Variants in HSPA12A observed in about 807,000 individuals in gnomAD.
The protein encoded by HSPA12A is heat shock protein family A (Hsp70) member 12A, also known as heat shock 70 kDa protein 12A.
Under a neutral mutation model 69.2 loss-of-function variants are expected in HSPA12A, and 28 were observed. The observed-to-expected ratio is 0.40, with a 90% CI of 0.30 to 0.55. The LOEUF (loss-of-function observed/expected upper bound fraction) is 0.55. HSPA12A is among the 20% of genes least tolerant of loss of function. HSPA12A has a pLI of 0.38. For synonymous variants in HSPA12A, 345 were observed against 370.5 expected (o/e 0.93, Z 0.79); for missense variants, 686 against 900.7 (o/e 0.76, Z 3.05).
intron 2 of HSPA12A, among the ~76,000 whole-genome samples, chr10:116,811,556 C>G (rs78637099): frequency 2.3e-5 from 3 of 130,538 alleles, no homozygotes; most frequent in African/African-American, 5.9e-5. Context: ...TTGGGCCTAA[C>G]TTGGATTCCT....
At chr10:116,739,861 G>A (rs1441511836) in intron 1 of HSPA12A, among the ~76,000 whole-genome samples, 3 of 151,916 alleles carry the variant, frequency 2.0e-5, no homozygotes. Flanking sequence ...TGTTTCATTG[G>A]CACGCACCTC....
intron 1 of HSPA12A, among the ~76,000 whole-genome samples, chr10:116,740,364 A>G (rs1626714): frequency 0.99 from 151,298 of 152,322 alleles, 75,158 homozygotes; most frequent in Middle Eastern, 1. Flanking sequence ...GGGGCAAGCC[A>G]ACTCTGCTCC....
At position 116,766,314 on chromosome 10, in the gene HSPA12A, C is replaced by T. The variant is rs114107903; in HGVS notation, c.92-59029G>A. ...TTGAAAAACTGAAATTCTTGCAACC[C>T]GAGAACTCCCTCAGTCCTGGGCCAA... On this transcript the variant is annotated intron_variant, in intron 2 of 12. Coordinates refer to the HSPA12A transcript ENST00000635765. Among the ~76,000 whole-genome samples, 699 of 152,222 alleles carry T rather than the reference C, an allele frequency of 4.6e-3. 3 individuals carry two copies. Among genetic ancestry groups the T allele is most frequent in the African/African-American group, 0.016 (667 of 41,536 alleles).
chr10:116,720,129 T>G (rs117946033), intron 1 of HSPA12A, among the ~76,000 whole-genome samples: 1 of 152,328 alleles, frequency 6.6e-6, no homozygotes, highest in Non-Finnish European at 1.5e-5. Flanking sequence ...GTGAATTATA[T>G]CTCAATTAAA....
At chr10:116,841,635 T>A (rs1845801805) in intron 1 of HSPA12A, among the ~76,000 whole-genome samples, 2 of 152,220 alleles carry the variant, frequency 1.3e-5, no homozygotes, top group Non-Finnish European at 2.9e-5. Context: ...AATTTATAGA[T>A]GTTTGTCATA....
At position 116,710,176 on chromosome 10, in the gene HSPA12A, T is replaced by TAA; in HGVS notation, c.41-2892_41-2891insTT. Among the ~76,000 whole-genome samples, 1 of 152,146 alleles carries TAA rather than the reference T, an allele frequency of 6.6e-6. No individual in the cohort carries two copies. Among genetic ancestry groups the TAA allele is most frequent in the Admixed American group, 6.5e-5 (1 of 15,278 alleles). On this transcript the variant is annotated intron_variant, in intron 1 of 11. Coordinates refer to ENST00000369209, the MANE Select transcript of HSPA12A (RefSeq NM_025015.3). This position sits in a 1 kb window ranked among gnomAD's most constrained non-coding sequence, Gnocchi z 4.1. The stretch of plus-strand genomic sequence containing the variant: ...GAGAGGTCCTCCCTGCCCACAGCCC[T>TAA]TGGGCAGCCTGCGGAGAAATGCCAT...
chr10:116,812,579 G>T (rs1305252637), intron 2 of HSPA12A, among the ~76,000 whole-genome samples: 1 of 152,038 alleles, frequency 6.6e-6, no homozygotes, highest in African/African-American at 2.4e-5. Context: ...CAACCACTGA[G>T]ACCAGCAAGG....
chr10:116,804,753 T>A (rs1232287714), intron 2 of HSPA12A, among the ~76,000 whole-genome samples: 8 of 152,140 alleles, frequency 5.3e-5, no homozygotes. Flanking sequence ...AGGCACATAA[T>A]CTCCCAGCCC....
chr10:116,703,755 T>C (rs1850147967), intron 3 of HSPA12A, among the ~76,000 whole-genome samples: 1 of 152,116 alleles, frequency 6.6e-6, no homozygotes, highest in African/African-American at 2.4e-5. Context: ...TGGGATCCCA[T>C]GGATGGGTGG....
intron 2 of HSPA12A, among the ~76,000 whole-genome samples, chr10:116,792,856 AAG>A (rs2133155158): frequency 6.6e-6 from 1 of 152,172 alleles, no homozygotes; most frequent in East Asian, 1.9e-4. Flanking sequence ...AGAAAAGAAA[AAG>A]AAAATCTATT....
intron 3 of HSPA12A, among the ~76,000 whole-genome samples, chr10:116,704,407 C>A (rs1554882026): frequency 6.6e-6 from 1 of 150,794 alleles, no homozygotes; most frequent in Non-Finnish European, 1.5e-5. Context: ...GGGAATTGAA[C>A]AATGAGAACA....
At chr10:116,717,654 TTTTG>T (rs1850648644) in intron 1 of HSPA12A, among the ~76,000 whole-genome samples, 2 of 152,174 alleles carry the variant, frequency 1.3e-5, no homozygotes, top group Non-Finnish European at 2.9e-5. Flanking sequence ...ATGGATGTTA[TTTTG>T]TTTATTATTA....
chr10:116,700,086 C>G (rs1409217033), intron 4 of HSPA12A, among the ~76,000 whole-genome samples: 3 of 152,204 alleles, frequency 2.0e-5, no homozygotes, highest in Non-Finnish European at 4.4e-5. Context: ...GAGGAAGGCA[C>G]TGCTATTGTC....
At chr10:116,766,569 A>G (rs916975661) in intron 2 of HSPA12A, among the ~76,000 whole-genome samples, 4 of 152,138 alleles carry the variant, frequency 2.6e-5, no homozygotes, top group African/African-American at 4.8e-5. Context: ...CCCTTCTTGG[A>G]GGCATTCAGA....
chr10:116,819,662 G>T (rs1017511301), intron 2 of HSPA12A, among the ~76,000 whole-genome samples: 1 of 152,078 alleles, frequency 6.6e-6, no homozygotes, highest in African/African-American at 2.4e-5. Flanking sequence ...CTCAGCCTAA[G>T]GTATTTTGTT....
At chr10:116,779,822 G>A (rs1413517706) in intron 2 of HSPA12A, among the ~76,000 whole-genome samples, 4 of 152,180 alleles carry the variant, frequency 2.6e-5, no homozygotes, top group African/African-American at 9.6e-5. Flanking sequence ...GCTAGCAGGG[G>A]GGACGGGATT....
At chr10:116,771,485 A>G (rs531667438) in intron 2 of HSPA12A, among the ~76,000 whole-genome samples, 1 of 152,336 alleles carries the variant, frequency 6.6e-6, no homozygotes, top group Admixed American at 6.5e-5. Flanking sequence ...AAGAGAAGCC[A>G]CTGGAATATT....
chr10:116,772,199 C>T (rs1844227802), intron 2 of HSPA12A, among the ~76,000 whole-genome samples: 1 of 152,084 alleles, frequency 6.6e-6, no homozygotes, highest in African/African-American at 2.4e-5. Flanking sequence ...GGCTGGATCA[C>T]GTGGGTTCAG....
At position 116,710,300 on chromosome 10, in the gene HSPA12A, G is replaced by T. The variant is rs1390217822; in HGVS notation, c.41-3015C>A. Among the ~76,000 whole-genome samples the T allele has an allele frequency of 6.6e-6, 1 of 152,186 alleles. No homozygotes were observed. The highest frequency in any genetic ancestry group is 1.5e-5 in the Non-Finnish European group (1 of 68,038). On this transcript the variant is annotated intron_variant, in intron 1 of 11. Coordinates refer to ENST00000369209, the MANE Select transcript of HSPA12A (RefSeq NM_025015.3). The surrounding 1 kb of genome is among the most constrained non-coding windows in gnomAD (Gnocchi z 4.1). ...CCTGAAAGAAACCAAATGTCTAATT[G>T]CCCAGAAAATCTGGTGTTGGCAATT...
Sources: gnomAD v4.1 joint callset for allele counts (sites outside exome capture counted in the v4.1 genomes callset) on GRCh38, gnomAD v4.1.1 for gene constraint, Gnocchi (gnomAD v3.1) non-coding constraint, MANE v1.5 for transcripts, NCBI Gene and HGNC (gene_info 2026-07-23, HGNC 2026-07-21) for gene names.